FAM81B: variants seen among roughly 807,000 people sequenced by gnomAD.
The protein encoded by FAM81B is family with sequence similarity 81 member B.
FAM81B carries 60 observed loss-of-function variants against 58.7 expected under a neutral mutation model. The observed-to-expected ratio is 1.02, with a 90% confidence interval of 0.83 to 1.27. The LOEUF (loss-of-function observed/expected upper bound fraction) is 1.27. Ranked by LOEUF, FAM81B falls within the 50% of genes most tolerant of loss-of-function variation. The probability of loss-of-function intolerance (pLI) is 0.00; values close to 1 mark genes in which losing one functional copy is unlikely to be tolerated. For missense variants in FAM81B, 491 were observed against 522.0 expected, an observed-to-expected ratio of 0.94 and a Z score of 0.58; for synonymous variants, 189 against 179.6, an observed-to-expected ratio of 1.05 and a Z score of -0.42.
intron 3 of FAM81B, among the ~76,000 whole-genome samples, chr5:95,408,450 A>G (rs1197381452): frequency 6.6e-6 from 1 of 152,198 alleles, no homozygotes; most frequent in East Asian, 1.9e-4. Flanking sequence ...TAGAATTATC[A>G]GGTATTACAT....
chr5:95,401,890 C>CA (rs1240842731), intron 3 of FAM81B, among the ~76,000 whole-genome samples: 2 of 152,138 alleles, frequency 1.3e-5, no homozygotes, highest in Non-Finnish European at 2.9e-5. Flanking sequence ...AAATAGAACT[C>CA]AGAGTTTGTG....
At chr5:95,443,130 C>T (rs1745429815) in intron 7 of FAM81B, among the ~76,000 whole-genome samples, 1 of 152,102 alleles carries the variant, frequency 6.6e-6, no homozygotes, top group Non-Finnish European at 1.5e-5. Context: ...CAAAACTGGC[C>T]TAGGATAGAG....
intron 5 of FAM81B, among the ~76,000 whole-genome samples, chr5:95,422,771 C>G (rs1021960197): frequency 2.0e-5 from 3 of 152,116 alleles, no homozygotes; most frequent in Non-Finnish European, 4.4e-5. Flanking sequence ...TTTGTAAACC[C>G]TGTTTTATTT....
chr5:95,407,095 G>A (rs1336455764), intron 3 of FAM81B, among the ~76,000 whole-genome samples: 6 of 152,102 alleles, frequency 3.9e-5, no homozygotes, highest in Non-Finnish European at 8.8e-5. Context: ...ACCAAAGTCT[G>A]CTCTGTGAGT....
At chr5:95,411,815 C>G (rs1025081310) in intron 3 of FAM81B, among the ~76,000 whole-genome samples, 2 of 152,184 alleles carry the variant, frequency 1.3e-5, no homozygotes, top group Non-Finnish European at 2.9e-5. Flanking sequence ...TGCTTACACA[C>G]AAAGTCAATG....
In FAM81B at chr5:95,450,016, C is replaced by G. The variant is rs935923911; in HGVS notation, c.1226-133C>G. 7 of 975,812 alleles carry G rather than the reference C, an allele frequency of 7.2e-6. No homozygotes were observed. In the Admixed American group the frequency reaches 1.7e-4, roughly 23 times the overall value. The allele number at this position is 975,812 out of a possible 1,614,324, so 60.4% of individuals were successfully genotyped here. On this transcript the variant is annotated intron_variant, in intron 9 of 9. Coordinates refer to ENST00000283357, the MANE Select transcript of FAM81B (RefSeq NM_152548.3). ...GAAATATATTATGTACAATTTTAGG[C>G]TGGTCTTCATAGAATTTAATGCGCT...
At chr5:95,447,704 C>G (rs1484739165) in intron 8 of FAM81B, among the ~76,000 whole-genome samples, 1 of 152,188 alleles carries the variant, frequency 6.6e-6, no homozygotes, top group Non-Finnish European at 1.5e-5. Context: ...CTCCCAGATT[C>G]CCTGTGGAGA....
chr5:95,437,734 T>C (rs1270850542), intron 7 of FAM81B, among the ~76,000 whole-genome samples: 1 of 152,200 alleles, frequency 6.6e-6, no homozygotes, highest in Non-Finnish European at 1.5e-5. Flanking sequence ...GCTCCACAAA[T>C]GTTCAAATTA....
chr5:95,429,137 G>T (rs1438997436), intron 6 of FAM81B, among the ~76,000 whole-genome samples: 1 of 152,160 alleles, frequency 6.6e-6, no homozygotes, highest in Non-Finnish European at 1.5e-5. Context: ...TTAAAGCCCT[G>T]CAATGGGTTG....
At chr5:95,440,666 C>T in intron 7 of FAM81B, 1 of 867,428 alleles carries the variant, frequency 1.2e-6, no homozygotes, top group Non-Finnish European at 1.7e-6. Context: ...GGACAGACCA[C>T]AGACTGGGAA....
At chr5:95,442,806 C>A (rs1745415860) in intron 7 of FAM81B, among the ~76,000 whole-genome samples, 1 of 152,132 alleles carries the variant, frequency 6.6e-6, no homozygotes, top group Non-Finnish European at 1.5e-5. Flanking sequence ...AGTAGAAAAA[C>A]AGTATTTCTT....
At chr5:95,419,436 A>G (rs1262044483) in intron 4 of FAM81B, among the ~76,000 whole-genome samples, 4 of 152,168 alleles carry the variant, frequency 2.6e-5, no homozygotes, top group Non-Finnish European at 5.9e-5. Context: ...AGTAAATACC[A>G]ATTTCTTATA....
At chr5:95,432,173 T>A (rs1183292975) in intron 6 of FAM81B, among the ~76,000 whole-genome samples, 1 of 152,076 alleles carries the variant, frequency 6.6e-6, no homozygotes, top group East Asian at 1.9e-4. Context: ...TATGAAATGA[T>A]GTGTTCTCTG....
chr5:95,420,495 A>G, intron 5 of FAM81B, 93 bp downstream of exon 5: 2 of 1,544,094 alleles, frequency 1.3e-6, no homozygotes, highest in Non-Finnish European at 1.8e-6. Context: ...GAAAAAAGAT[A>G]TTGTCTACAC....
chr5:95,395,550 T>G (rs1761945139), intron 2 of FAM81B, among the ~76,000 whole-genome samples: 1 of 152,196 alleles, frequency 6.6e-6, no homozygotes, highest in African/African-American at 2.4e-5. Context: ...TTATCAACTT[T>G]CATGAAAATA....
chr5:95,437,040 A>C (rs562325115), intron 7 of FAM81B, 134 bp downstream of exon 7: 48 of 600,978 alleles, frequency 8.0e-5, no homozygotes, highest in Non-Finnish European at 1.3e-4. Context: ...GAACTAACAC[A>C]GAGAATATTT....
chr5:95,441,185 C>T (rs1239581878), intron 7 of FAM81B, among the ~76,000 whole-genome samples: 1 of 152,144 alleles, frequency 6.6e-6, no homozygotes, highest in Non-Finnish European at 1.5e-5. Context: ...TACAAAGAGC[C>T]TCGGCTTCCA....
chr5:95,411,989 A>G (rs1457234789), intron 3 of FAM81B, among the ~76,000 whole-genome samples: 1 of 152,218 alleles, frequency 6.6e-6, no homozygotes, highest in Non-Finnish European at 1.5e-5. Context: ...CAATGCTGAC[A>G]ATTTAAGATA....
chr5:95,408,882 T>A (rs1762334902), intron 3 of FAM81B, among the ~76,000 whole-genome samples: 1 of 152,236 alleles, frequency 6.6e-6, no homozygotes, highest in African/African-American at 2.4e-5. Context: ...AGTGACGTTT[T>A]CTTCCCTCTT....
Sources: allele counts gnomAD v4.1 joint callset (sites outside exome capture counted in the v4.1 genomes callset), GRCh38; gene constraint gnomAD v4.1.1; transcripts MANE v1.5; gene names NCBI Gene and HGNC (gene_info 2026-07-23, HGNC 2026-07-21).